GPBP1L1: variants seen among roughly 807,000 people sequenced by gnomAD.
GPBP1L1 encodes vasculin-like protein 1.
Under a neutral mutation model 52.5 loss-of-function variants are expected in GPBP1L1, and 23 were observed. That is an observed-to-expected ratio of 0.44 (90% CI 0.32 to 0.62). GPBP1L1 has a LOEUF of 0.62. GPBP1L1 is among the 20% of genes least tolerant of loss of function. The pLI, the probability that GPBP1L1 is intolerant of heterozygous loss-of-function variation, is 0.06. For synonymous variants in GPBP1L1, 243 were observed against 203.1 expected, an observed-to-expected ratio of 1.20 and a Z score of -1.67; for missense variants, 596 against 579.3, an observed-to-expected ratio of 1.03 and a Z score of -0.30.
At chr1:45,673,586 G>A (rs900581118) in intron 2 of GPBP1L1, among the ~76,000 whole-genome samples, 1 of 152,218 alleles carries the variant, frequency 6.6e-6, no homozygotes, top group Admixed American at 6.5e-5. Flanking sequence ...TTTCGGCTGG[G>A]CGCGGTGGCT....
intron 4 of GPBP1L1, chr1:45,658,795 G>A (rs1644912868): frequency 6.5e-6 from 3 of 461,112 alleles, no homozygotes; most frequent in Non-Finnish European, 1.1e-5. Flanking sequence ...ACAAAAATTA[G>A]CAGGGCGTGG....
chr1:45,628,392 A>G lies in GPBP1L1; in HGVS notation c.1289T>C (p.Phe430Ser). 6.2e-7 allele frequency: 1 copy of G among 1,614,038 alleles called. No individual in the cohort carries two copies. Among genetic ancestry groups the G allele is most frequent in the Non-Finnish European group, 8.5e-7 (1 of 1,180,034 alleles). ...MKTEQLRRNG[F>S]GKNGFLQSRS... The stretch of plus-strand genomic sequence containing the variant: ...GCTCTGCAAGAAGCCATTCTTTCCA[A>G]AGCCATTTCTTCTCAGCTATGGTTA... The change falls in exon 13 of 13, where the codon TTT becomes TCT. Residue 430 changes from phenylalanine to serine, a missense_variant. Phe to Ser is a radical substitution (Grantham distance 155, BLOSUM62 -2). Transcript: ENST00000355105.
chr1:45,629,837 C>G (rs545341138), intron 11 of GPBP1L1, 159 bp from the exon 12 acceptor site: 6 of 596,706 alleles, frequency 1.0e-5, no homozygotes, highest in South Asian at 1.0e-4. Flanking sequence ...ATTGTGGCTA[C>G]CTGGGTGCTG....
At chr1:45,677,900 G>A (rs1455971554) in intron 2 of GPBP1L1, among the ~76,000 whole-genome samples, 1 of 152,180 alleles carries the variant, frequency 6.6e-6, no homozygotes, top group African/African-American at 2.4e-5. Flanking sequence ...TTGCTGATTA[G>A]AGTGAACACT....
At chr1:45,646,838 T>G (rs768962827) in intron 6 of GPBP1L1, among the ~76,000 whole-genome samples, 26 of 152,152 alleles carry the variant, frequency 1.7e-4, no homozygotes, top group Non-Finnish European at 3.5e-4. Context: ...ATTACAGGTG[T>G]GAGCCACCGT....
chr1:45,648,478 T>C (rs966477178), intron 6 of GPBP1L1, among the ~76,000 whole-genome samples: 2 of 152,334 alleles, frequency 1.3e-5, no homozygotes, highest in African/African-American at 2.4e-5. Context: ...TTCTCAAATA[T>C]GCCCTACGAG....
intron 2 of GPBP1L1, among the ~76,000 whole-genome samples, chr1:45,677,879 A>T (rs1645165829): frequency 6.6e-6 from 1 of 152,230 alleles, no homozygotes; most frequent in Non-Finnish European, 1.5e-5. Context: ...CAAACAAAGA[A>T]TTCTCATATA....
chr1:45,640,138 T>A, intron 8 of GPBP1L1, 72 bp downstream of exon 8: 1 of 1,251,288 alleles, frequency 8.0e-7, no homozygotes, highest in African/African-American at 1.5e-5. Context: ...AAAAAACAAA[T>A]TTATTAATTT....
chr1:45,672,073 T>C (rs530729396), intron 2 of GPBP1L1, among the ~76,000 whole-genome samples: 40 of 152,174 alleles, frequency 2.6e-4, no homozygotes, highest in African/African-American at 8.9e-4. Context: ...TTTAAAAAGA[T>C]TTATTCAGGC....
chr1:45,684,442 T>C (rs1645254644), intron 2 of GPBP1L1, among the ~76,000 whole-genome samples: 2 of 152,050 alleles, frequency 1.3e-5, no homozygotes, highest in Non-Finnish European at 2.9e-5. Flanking sequence ...AAATTAAAAA[T>C]GAATTACAAG....
At chr1:45,646,024 C>T in intron 6 of GPBP1L1, 1 of 507,298 alleles carries the variant, frequency 2.0e-6, no homozygotes, top group Non-Finnish European at 3.9e-6. Flanking sequence ...ACAATTTTCC[C>T]AGCTCTGTTA....
intron 10 of GPBP1L1, among the ~76,000 whole-genome samples, chr1:45,632,995 G>A (rs895878542): frequency 1.3e-5 from 2 of 152,170 alleles, no homozygotes; most frequent in Non-Finnish European, 2.9e-5. Context: ...CCAAAATCCA[G>A]AACACTGATA....
Position 45,628,349 on chromosome 1 carries a change from G to A in GPBP1L1, c.1332C>T (p.Phe444=), listed in dbSNP as rs1394823091. The change falls in exon 13 of 13, where the codon TTC becomes TTT. Residue 444 remains phenylalanine, a synonymous_variant. Coordinates refer to ENST00000355105, the MANE Select transcript of GPBP1L1 (RefSeq NM_021639.5). ...CTTTGCAAGTGCTTCTCCAAGGGGAGAACAGACTGGAACTGCGGCTCTGCA... is the reference window on the plus strand; with the variant it reads ...CTTTGCAAGTGCTTCTCCAAGGGGAAAACAGACTGGAACTGCGGCTCTGCA... ...GFLQSRSSSL[F]SPWRSTCKAE... 1.9e-6 allele frequency: 3 copies of A among 1,613,918 alleles called. No individual in the cohort carries two copies. The African/African-American group carries it at 4.0e-5, about 22-fold the overall frequency.
At chr1:45,643,382 T>C (rs1644698772) in intron 6 of GPBP1L1, among the ~76,000 whole-genome samples, 1 of 152,170 alleles carries the variant, frequency 6.6e-6, no homozygotes. Context: ...TGAGGATCCA[T>C]CTTTCATGCA....
chr1:45,629,713 A>G (rs756260793), intron 11 of GPBP1L1, 35 bp from the exon 12 acceptor site: 2 of 1,334,036 alleles, frequency 1.5e-6, no homozygotes, highest in Non-Finnish European at 2.2e-6. Context: ...AAGAGAATAC[A>G]ACATCACTAA....
At chr1:45,665,993 A>G (rs1569858200) in intron 2 of GPBP1L1, among the ~76,000 whole-genome samples, 2 of 152,104 alleles carry the variant, frequency 1.3e-5, no homozygotes, top group East Asian at 3.9e-4. Flanking sequence ...TCCCACCAAC[A>G]ATACGACAGG....
intron 6 of GPBP1L1, among the ~76,000 whole-genome samples, chr1:45,648,562 C>T (rs1052713766): frequency 5.3e-5 from 8 of 152,164 alleles, no homozygotes; most frequent in African/African-American, 1.9e-4. Flanking sequence ...CTTCAGTTCC[C>T]CCTGCACAAA....
intron 6 of GPBP1L1, among the ~76,000 whole-genome samples, chr1:45,643,386 T>G (rs1367276899): frequency 1.3e-5 from 2 of 152,146 alleles, no homozygotes; most frequent in Non-Finnish European, 2.9e-5. Context: ...GATCCATCTT[T>G]CATGCAGTTA....
chr1:45,673,592 T>C (rs1441107659), intron 2 of GPBP1L1, among the ~76,000 whole-genome samples: 3 of 152,244 alleles, frequency 2.0e-5, no homozygotes, highest in Non-Finnish European at 4.4e-5. Context: ...CTGGGCGCGG[T>C]GGCTCACGCC....
Sources: gnomAD v4.1 joint callset for allele counts (sites outside exome capture counted in the v4.1 genomes callset) on GRCh38, gnomAD v4.1.1 for gene constraint, MANE v1.5 for transcripts, NCBI Gene and HGNC (gene_info 2026-07-23, HGNC 2026-07-21) for gene names.